Variants in ZNF385D observed in about 807,000 individuals in gnomAD.
ZNF385D encodes zinc finger protein 659.
A neutral mutation model predicts 35.8 loss-of-function variants in ZNF385D; 15 were observed. That is an observed-to-expected ratio of 0.42 (90% CI 0.28 to 0.64). ZNF385D has a LOEUF of 0.64. Ranked by LOEUF, ZNF385D falls within the 30% of genes least tolerant of loss-of-function variation. The pLI, the probability that ZNF385D is intolerant of heterozygous loss-of-function variation, is 0.23. For synonymous variants in ZNF385D, 212 were observed against 186.8 expected, an observed-to-expected ratio of 1.13 and a Z score of -1.10; for missense variants, 474 against 494.6, an observed-to-expected ratio of 0.96 and a Z score of 0.39.
intron 2 of ZNF385D, among the ~76,000 whole-genome samples, chr3:21,593,332 C>T (rs183825220): frequency 6.6e-6 from 1 of 152,276 alleles, no homozygotes; most frequent in Admixed American, 6.5e-5. Context: ...CAATCCATTG[C>T]CTCACTTCCT....
intron 1 of ZNF385D, among the ~76,000 whole-genome samples, chr3:21,720,436 C>T (rs1004860397): frequency 3.9e-5 from 6 of 152,102 alleles, no homozygotes; most frequent in Admixed American, 3.3e-4. Flanking sequence ...CATCTGTACT[C>T]CCAGTTACTC....
chr3:21,656,173 A>G (rs921964837), intron 2 of ZNF385D, among the ~76,000 whole-genome samples: 1 of 151,974 alleles, frequency 6.6e-6, no homozygotes, highest in African/African-American at 2.4e-5. Flanking sequence ...TCAGGTAGGA[A>G]GCTGGATTAC....
intron 2 of ZNF385D, among the ~76,000 whole-genome samples, chr3:22,194,159 T>C (rs1358365): frequency 0.37 from 54,299 of 148,190 alleles, 9,915 homozygotes; most frequent in Middle Eastern, 0.41. Flanking sequence ...TTATGTTTAG[T>C]ACATAACAAC....
intron 4 of ZNF385D, among the ~76,000 whole-genome samples, chr3:21,483,374 A>G (rs1704781925): frequency 6.6e-6 from 1 of 152,138 alleles, no homozygotes. Context: ...CAGTTTGTTA[A>G]TCCACTTGCC....
intron 3 of ZNF385D, among the ~76,000 whole-genome samples, chr3:21,530,742 A>G (rs141046889): frequency 1.3e-5 from 2 of 152,172 alleles, no homozygotes; most frequent in Non-Finnish European, 2.9e-5. Context: ...AAAATCTAAC[A>G]GTACCCATCA....
At chr3:22,255,855 A>G (rs1438942085) in intron 2 of ZNF385D, among the ~76,000 whole-genome samples, 2 of 150,900 alleles carry the variant, frequency 1.3e-5, no homozygotes, top group African/African-American at 4.9e-5. Context: ...ACTGAGTGTC[A>G]AGTTGATTGG....
chr3:22,282,722 A>G (rs980974880), intron 2 of ZNF385D, among the ~76,000 whole-genome samples: 2 of 152,062 alleles, frequency 1.3e-5, no homozygotes, highest in Non-Finnish European at 2.9e-5. Context: ...AAATATACCA[A>G]AATAAAATCT....
At chr3:22,151,753 ATAT>A (rs1705251479) in intron 3 of ZNF385D, among the ~76,000 whole-genome samples, 1 of 152,264 alleles carries the variant, frequency 6.6e-6, no homozygotes, top group South Asian at 2.1e-4. Flanking sequence ...ATCCAGAATA[ATAT>A]TTGACCAAAT....
intron 3 of ZNF385D, among the ~76,000 whole-genome samples, chr3:21,519,954 A>T (rs376380323): frequency 1.3e-5 from 2 of 152,202 alleles, no homozygotes; most frequent in East Asian, 3.8e-4. Context: ...AACTTGTTTT[A>T]TATCCTGGCA....
chr3:22,005,129 G>A (rs1352199828), intron 3 of ZNF385D, among the ~76,000 whole-genome samples: 1 of 130,792 alleles, frequency 7.6e-6, no homozygotes, highest in African/African-American at 2.8e-5. Context: ...CAAAGAATAT[G>A]AATAGACATT....
At chr3:22,294,522 C>G (rs904458919) in intron 2 of ZNF385D, among the ~76,000 whole-genome samples, 19 of 151,638 alleles carry the variant, frequency 1.3e-4, no homozygotes, top group Non-Finnish European at 1.2e-4. Flanking sequence ...TTTTTATTTC[C>G]TTAAGATGAT....
At chr3:22,314,677 A>G (rs954577875) in intron 2 of ZNF385D, among the ~76,000 whole-genome samples, 1 of 152,104 alleles carries the variant, frequency 6.6e-6, no homozygotes, top group African/African-American at 2.4e-5. Flanking sequence ...ACCCTTCAAG[A>G]ACAAATTTCT....
chr3:22,276,544 T>G (rs1350522587), intron 2 of ZNF385D, among the ~76,000 whole-genome samples: 1 of 152,138 alleles, frequency 6.6e-6, no homozygotes, highest in Admixed American at 6.6e-5. Flanking sequence ...TACTTGAAAA[T>G]TGATGACGAT....
Position 21,577,728 on chromosome 3 carries a change from T to C in ZNF385D, c.166-13044A>G, listed in dbSNP as rs560204182. Among the ~76,000 whole-genome samples the C allele has an allele frequency of 3.5e-4, 54 of 152,264 alleles. 1 individual carries two copies. Among genetic ancestry groups the C allele is most frequent in the Middle Eastern group, 3.4e-3 (1 of 294 alleles). ...CTAACTGGGGTGGGATTATATTTCA[T>C]TGTGGCTTTGATTTGCATTTCGTTG... On this transcript the variant is annotated intron_variant, in intron 2 of 7. Coordinates refer to ENST00000281523, the MANE Select transcript of ZNF385D (RefSeq NM_024697.3).
At chr3:22,372,395 G>A (rs964044727) in intron 2 of ZNF385D, 3 of 964,532 alleles carry the variant, frequency 3.1e-6, no homozygotes, top group Non-Finnish European at 3.7e-6. Context: ...CTTGCCCGGC[G>A]CCCCAACGAA....
intron 3 of ZNF385D, among the ~76,000 whole-genome samples, chr3:21,543,613 T>C (rs2062263216): frequency 6.6e-6 from 1 of 152,194 alleles, no homozygotes; most frequent in Non-Finnish European, 1.5e-5. Flanking sequence ...AGCTTTAACT[T>C]TTCTTATGCA....
intron 1 of ZNF385D, among the ~76,000 whole-genome samples, chr3:21,681,493 G>A (rs932131723): frequency 6.6e-6 from 1 of 151,550 alleles, no homozygotes; most frequent in Non-Finnish European, 1.5e-5. Flanking sequence ...GGAAATGGCA[G>A]GGCATACCTC....
intron 2 of ZNF385D, among the ~76,000 whole-genome samples, chr3:22,358,888 A>G (rs944573690): frequency 6.6e-6 from 1 of 151,628 alleles, no homozygotes; most frequent in Non-Finnish European, 1.5e-5. Flanking sequence ...ACACTCACCT[A>G]CACAGTTATT....
chr3:22,218,899 T>TA (rs1344866413), intron 2 of ZNF385D, among the ~76,000 whole-genome samples: 1 of 152,104 alleles, frequency 6.6e-6, no homozygotes, highest in Non-Finnish European at 1.5e-5. Flanking sequence ...CTTTTTTCAT[T>TA]AAAAAATACA....
Sources: allele counts gnomAD v4.1 joint callset (sites outside exome capture counted in the v4.1 genomes callset), GRCh38; gene constraint gnomAD v4.1.1; transcripts MANE v1.5; gene names NCBI Gene and HGNC (gene_info 2026-07-23, HGNC 2026-07-21).